FRYL: variants seen among roughly 807,000 people sequenced by gnomAD.
FRYL encodes FRY like transcription coactivator.
Under a neutral mutation model 351.2 loss-of-function variants are expected in FRYL, and 150 were observed. That is an observed-to-expected ratio of 0.43 (90% CI 0.37 to 0.49). The LOEUF is 0.49. Among genes scored for constraint, FRYL ranks in the 20% least tolerant of loss-of-function variants. The pLI is 0.00. For missense variants in FRYL, 3,036 were observed against 3,619.3 expected, an observed-to-expected ratio of 0.84 and a Z score of 4.13; for synonymous variants, 1,153 against 1,257.1, an observed-to-expected ratio of 0.92 and a Z score of 1.75.
At chr4:48,755,760 A>T (rs1349599247) in intron 1 of FRYL, among the ~76,000 whole-genome samples, 1 of 152,160 alleles carries the variant, frequency 6.6e-6, no homozygotes, top group Non-Finnish European at 1.5e-5. Flanking sequence ...AAACATACTG[A>T]GATTTTTATT....
chr4:48,738,933 A>C (rs1476266912), intron 1 of FRYL, among the ~76,000 whole-genome samples: 1 of 152,164 alleles, frequency 6.6e-6, no homozygotes, highest in Non-Finnish European at 1.5e-5. Context: ...GTTTATGTGG[A>C]AAGACAAAAG....
chr4:48,592,082 T>TATATATATATATATATA lies in FRYL; in HGVS notation c.1336-1253_1336-1252insTATATATATATATATAT, dbSNP rs888017807. Among the ~76,000 whole-genome samples, 137 of 116,164 alleles carry TATATATATATATATATA rather than the reference T, an allele frequency of 1.2e-3. 4 individuals are homozygous for TATATATATATATATATA. Among genetic ancestry groups the TATATATATATATATATA allele is most frequent in the African/African-American group, 3.4e-3 (75 of 22,222 alleles). 76.2% of individuals were successfully genotyped at this position (116,164 alleles called of 152,430 possible). On this transcript the variant is annotated intron_variant, in intron 16 of 63. Transcript: ENST00000358350. Reference sequence around the variant, plus strand: ...GGAATACGGGAAGAAAATAAAGCTCTTATATATATATATATATATATATAT... The same window carrying TATATATATATATATATA: ...GGAATACGGGAAGAAAATAAAGCTCTATATATATATATATATATATATATATATATATATATATATAT...
chr4:48,542,233 GATTAA>G (rs1199471243), intron 44 of FRYL, 112 bp from the exon 45 acceptor site: 1 of 738,424 alleles, frequency 1.4e-6, no homozygotes, highest in African/African-American at 1.8e-5. Context: ...GTTACAAAAT[GATTAA>G]ACTCTTGAGC....
chr4:48,659,378 A>G (rs6815954), intron 3 of FRYL, among the ~76,000 whole-genome samples: 30 of 3,742 alleles, frequency 8.0e-3, no homozygotes, highest in African/African-American at 0.02. Context: ...GAGAGAGAAG[A>G]AGAAGGAGAA....
chr4:48,581,044 A>ATT (rs755903429), intron 21 of FRYL, 93 bp from the exon 22 acceptor site: 1,764 of 503,112 alleles, frequency 3.5e-3, no homozygotes, highest in South Asian at 6.5e-3. Context: ...CTTCAGCACT[A>ATT]TTTTTTTTTT....
In FRYL at chr4:48,527,890, A is replaced by G. The variant is rs562558483; in HGVS notation, c.7140+81T>C. 4 of 1,199,090 alleles carry G rather than the reference A, an allele frequency of 3.3e-6. No homozygotes were observed. In the Admixed American group the frequency reaches 9.6e-5, roughly 29 times the overall value. The allele number at this position is 1,199,090 out of a possible 1,614,324, so 74.3% of individuals were successfully genotyped here. ...TACCGTAAGTAAGGTAAATTAGAAA[A>G]GGCAAGCAAGGAGACAGATCATTTC... is the stretch of plus-strand genomic sequence containing the variant. On this transcript the variant is annotated intron_variant, in intron 52 of 63. Coordinates refer to ENST00000358350, the MANE Select transcript of FRYL (RefSeq NM_015030.2).
intron 3 of FRYL, among the ~76,000 whole-genome samples, chr4:48,667,122 CAG>C (rs1323027321): frequency 6.6e-6 from 1 of 152,006 alleles, no homozygotes; most frequent in African/African-American, 2.4e-5. Context: ...CAAAATGACT[CAG>C]ATTAATAAAT....
rs769618330 is a variant in FRYL, at chr4:48,539,978, A to G, written c.6386T>C (p.Ile2129Thr). ...TQFCKETASRIAKVCAEEKCP... is the reference protein window; with the variant it reads ...TQFCKETASRTAKVCAEEKCP... ...AGCATAACATTTGCTTACCTTTGCTATTCGACTAGCTGTTTCTTTGCAAAA... is the reference window on the plus strand; with the variant it reads ...AGCATAACATTTGCTTACCTTTGCTGTTCGACTAGCTGTTTCTTTGCAAAA... The change falls in exon 47 of 64, where the codon ATA (isoleucine) becomes ACA (threonine). Residue 2129 changes from isoleucine (I) to threonine (T), a missense_variant. Physicochemically the swap from Ile to Thr is moderately conservative, Grantham distance 89 (BLOSUM62 -1). Around this residue, in one of 7 missense-constraint regions of FRYL, gnomAD observed 1,987 missense variants for 2,311.7 expected, o/e 0.86. Transcript: ENST00000358350. 3 of 1,609,336 alleles carry G rather than the reference A, an allele frequency of 1.9e-6. No homozygotes were observed. Among genetic ancestry groups the G allele is most frequent in the Admixed American group, 3.3e-5 (2 of 59,910 alleles).
chr4:48,590,616 GA>G, intron 17 of FRYL, 42 bp downstream of exon 17: 1 of 1,372,212 alleles, frequency 7.3e-7, no homozygotes, highest in Non-Finnish European at 1.0e-6. Flanking sequence ...AAAAGAATAT[GA>G]AACTGTATTA....
At position 48,544,879 on chromosome 4, in the gene FRYL, C is replaced by A; in HGVS notation, c.5305G>T (p.Glu1769Ter). The A allele has an allele frequency of 6.2e-7, 1 of 1,606,300 alleles. No homozygotes were observed. The highest frequency in any genetic ancestry group is 8.5e-7 in the Non-Finnish European group (1 of 1,177,456). Reference protein sequence around the residue: ...SRKRGPLWNHEDVSAKNPSIK... With the variant: ...SRKRGPLWNH ...CTAGGATTCTTGGCAGAAACATCCT[C>A]ATGGTTCCAAAGGGGCCCTCTTTTT... Residue 1769 changes from glutamate (E) to a stop codon, truncating the protein, a stop_gained, in exon 43 of 64, where the codon GAG (glutamate) becomes TAG (stop). Coordinates refer to ENST00000358350, the MANE Select transcript of FRYL (RefSeq NM_015030.2). LOFTEE classifies it high-confidence loss of function.
chr4:48,653,682 A>AT (rs750446385), intron 3 of FRYL: 3,151 of 1,098,660 alleles, frequency 2.9e-3, no homozygotes, highest in Admixed American at 3.1e-3. Flanking sequence ...ATACCTCAGC[A>AT]TTTTTTTTTT....
intron 7 of FRYL, among the ~76,000 whole-genome samples, chr4:48,612,512 G>GTGTC (rs1392869932): frequency 6.6e-6 from 1 of 151,982 alleles, no homozygotes; most frequent in Admixed American, 6.6e-5. Context: ...GTGTGTGTGT[G>GTGTC]TGTGTGTGTG....
chr4:48,533,090 TG>T (rs1391281547), intron 49 of FRYL, among the ~76,000 whole-genome samples: 1 of 152,068 alleles, frequency 6.6e-6, no homozygotes, highest in Non-Finnish European at 1.5e-5. Flanking sequence ...GTTTCTCCTT[TG>T]AGATGGGGAG....
chr4:48,626,117 T>C (rs1348752717), intron 4 of FRYL, among the ~76,000 whole-genome samples: 3 of 152,144 alleles, frequency 2.0e-5, no homozygotes, highest in African/African-American at 7.2e-5. Context: ...ACGAAAGTTA[T>C]GGTTACAGAA....
chr4:48,544,514 T>C (rs1730919731), intron 43 of FRYL, among the ~76,000 whole-genome samples: 1 of 152,232 alleles, frequency 6.6e-6, no homozygotes, highest in Non-Finnish European at 1.5e-5. Context: ...GTCCGTTTAA[T>C]GTATTTTTTC....
intron 3 of FRYL, among the ~76,000 whole-genome samples, chr4:48,675,225 G>A (rs1424908671): frequency 6.6e-6 from 1 of 152,156 alleles, no homozygotes; most frequent in African/African-American, 2.4e-5. Flanking sequence ...CTCTGCCTGG[G>A]CTCCCATTTT....
intron 38 of FRYL, among the ~76,000 whole-genome samples, chr4:48,550,185 G>A (rs553627694): frequency 1.1e-4 from 17 of 152,318 alleles, no homozygotes; most frequent in African/African-American, 3.6e-4. Flanking sequence ...GAAAGCCTGT[G>A]CTTCTATGAT....
intron 1 of FRYL, among the ~76,000 whole-genome samples, chr4:48,778,798 T>C (rs1776300024): frequency 1.3e-5 from 2 of 152,178 alleles, no homozygotes; most frequent in African/African-American, 4.8e-5. Flanking sequence ...CAGCATTTTA[T>C]AAAACCAACT....
At chr4:48,582,368 A>C in intron 20 of FRYL, 129 bp downstream of exon 20, 1 of 648,414 alleles carries the variant, frequency 1.5e-6, no homozygotes, top group Non-Finnish European at 2.7e-6. Flanking sequence ...TTAAGGGATT[A>C]GGAACACATT....
Sources: allele counts gnomAD v4.1 joint callset (sites outside exome capture counted in the v4.1 genomes callset), GRCh38; gene constraint gnomAD v4.1.1; regional missense constraint gnomAD v4.1.1; transcripts MANE v1.5; gene names NCBI Gene and HGNC (gene_info 2026-07-23, HGNC 2026-07-21).